CELF2: variants seen among roughly 807,000 people sequenced by gnomAD.
CELF2 encodes CUG triplet repeat RNA-binding protein 2.
In CELF2, 8 loss-of-function variants were observed where a neutral mutation model predicts 62.6. The ratio of observed to expected loss-of-function variants is 0.13; its 90% CI spans 0.07 to 0.23. The LOEUF (loss-of-function observed/expected upper bound fraction) is 0.23. CELF2 is among the 10% of genes least tolerant of loss of function. CELF2 has a pLI of 1.00. For synonymous variants in CELF2, 258 were observed against 250.0 expected, an observed-to-expected ratio of 1.03 and a Z score of -0.30; for missense variants, 333 against 671.0, an observed-to-expected ratio of 0.50 and a Z score of 5.56.
intron 1 of CELF2, among the ~76,000 whole-genome samples, chr10:10,863,556 C>A (rs1159619825): frequency 6.6e-6 from 1 of 152,074 alleles, no homozygotes; most frequent in Admixed American, 6.6e-5. Context: ...TAAAATAATT[C>A]ATGGAAACAC....
At chr10:10,605,916 G>A in the CELF2 span, among the ~76,000 whole-genome samples, 144 of 152,298 alleles carry the variant, frequency 9.5e-4, no homozygotes, top group Non-Finnish European at 1.5e-3. Flanking sequence ...GTAATCACGA[G>A]CCAAGAAGCA....
intron 1 of CELF2, among the ~76,000 whole-genome samples, chr10:11,085,607 A>C (rs1254490411): frequency 6.7e-6 from 1 of 149,326 alleles, no homozygotes; most frequent in Non-Finnish European, 1.5e-5. Context: ...TGGGCCGTTG[A>C]GGCACAGAGA....
chr10:11,314,341 C>T lies in CELF2; in HGVS notation c.1096+83C>T, dbSNP rs1190410909. ...ACAGAAAGTGGTCAGCCAGAAATGA[C>T]CCGAAAAAGGATATGCCACGGGGAG... On this transcript the variant is annotated intron_variant, in intron 10 of 12. Coordinates refer to ENST00000633077, the MANE Select transcript of CELF2 (RefSeq NM_001326342.2). The surrounding 1 kb of genome is among the most constrained non-coding windows in gnomAD (Gnocchi z 5.3). 2.5e-6 allele frequency: 4 copies of T among 1,587,606 alleles called. No individual in the cohort carries two copies. The East Asian group carries it at 6.7e-5, about 27-fold the overall frequency.
At chr10:10,708,657 C>A in the CELF2 span, among the ~76,000 whole-genome samples, 1 of 152,158 alleles carries the variant, frequency 6.6e-6, no homozygotes, top group Non-Finnish European at 1.5e-5. Context: ...TATTTCTCTT[C>A]TCTTCCTCTC....
chr10:10,834,789 A>G (rs1426003312), intron 1 of CELF2, among the ~76,000 whole-genome samples: 1 of 152,198 alleles, frequency 6.6e-6, no homozygotes, highest in South Asian at 2.1e-4. Flanking sequence ...AAAGTCATTA[A>G]CAGCACGAGA....
At chr10:10,926,684 G>C (rs916508580) in intron 2 of CELF2, among the ~76,000 whole-genome samples, 8 of 152,180 alleles carry the variant, frequency 5.3e-5, no homozygotes, top group African/African-American at 1.9e-4. Context: ...TTCCATGCCT[G>C]ATCCCTTAGG....
intron 1 of CELF2, among the ~76,000 whole-genome samples, chr10:10,830,961 T>A (rs2057801476): frequency 6.6e-6 from 1 of 152,222 alleles, no homozygotes; most frequent in African/African-American, 2.4e-5. Context: ...TAGTTTCTGA[T>A]TACTTCAGCC....
the CELF2 span, among the ~76,000 whole-genome samples, chr10:10,705,004 C>T: frequency 6.6e-6 from 1 of 151,538 alleles, no homozygotes; most frequent in Non-Finnish European, 1.5e-5. Context: ...GCCTGGGCAA[C>T]ATGGCGAGAC....
At chr10:11,327,199 G>A (rs76345405) in intron 12 of CELF2, among the ~76,000 whole-genome samples, 1 of 150,910 alleles carries the variant, frequency 6.6e-6, no homozygotes, top group Non-Finnish European at 1.5e-5. Flanking sequence ...ATTATGGGGG[G>A]CGGGGGGGTG....
chr10:11,165,345 A>C lies in CELF2; in HGVS notation c.75-141A>C, dbSNP rs1014280752. On this transcript the variant is annotated intron_variant, in intron 1 of 12. Transcript: ENST00000633077. The surrounding 1 kb of genome is among the most constrained non-coding windows in gnomAD (Gnocchi z 7.4). ...GCCTCCGCTTTGTTTTAGTTCATCAAATTTCTACGACTCATTAGGCACTTT... is the reference window on the plus strand; with the variant it reads ...GCCTCCGCTTTGTTTTAGTTCATCACATTTCTACGACTCATTAGGCACTTT... 1.4e-6 allele frequency: 2 copies of C among 1,464,016 alleles called. No individual in the cohort carries two copies. Among genetic ancestry groups the C allele is most frequent in the Non-Finnish European group, 1.8e-6 (2 of 1,112,754 alleles). 90.7% of individuals were successfully genotyped at this position (1,464,016 alleles called of 1,614,324 possible). A position where few individuals can be genotyped will look rare whatever the true frequency, so the allele number is the denominator to read the frequency against.
At chr10:10,477,677 T>C in the CELF2 span, among the ~76,000 whole-genome samples, 1 of 149,770 alleles carries the variant, frequency 6.7e-6, no homozygotes, top group Non-Finnish European at 1.5e-5. Flanking sequence ...ACCCTTGAGC[T>C]AAGAATGATT....
At chr10:11,307,969 G>A (rs566450004) in intron 9 of CELF2, among the ~76,000 whole-genome samples, 5 of 152,318 alleles carry the variant, frequency 3.3e-5, no homozygotes, top group African/African-American at 4.8e-5. Context: ...GTAAGATGAC[G>A]TTCTGCACAG....
At chr10:10,903,807 G>T (rs1052604268) in intron 1 of CELF2, among the ~76,000 whole-genome samples, 1 of 152,200 alleles carries the variant, frequency 6.6e-6, no homozygotes, top group African/African-American at 2.4e-5. Flanking sequence ...CTGCACAGGG[G>T]CCTTGGGCTC....
exon 1 of CELF2, chr10:10,798,662 G>A: frequency 2.5e-6 from 1 of 398,412 alleles, no homozygotes; most frequent in Non-Finnish European, 4.4e-6. Flanking sequence ...AGGGAGCCGC[G>A]GGGCGCCAGG....
At chr10:11,294,276 A>G (rs747107334) in intron 9 of CELF2, among the ~76,000 whole-genome samples, 3 of 152,198 alleles carry the variant, frequency 2.0e-5, no homozygotes, top group South Asian at 2.1e-4. Flanking sequence ...GAAAGTGCCC[A>G]TTAGCTCTGT....
At chr10:10,944,521 C>T (rs956624691) in intron 2 of CELF2, among the ~76,000 whole-genome samples, 2 of 152,070 alleles carry the variant, frequency 1.3e-5, no homozygotes, top group African/African-American at 4.8e-5. Flanking sequence ...TTAAGAAGCT[C>T]AACTTTAGAG....
intron 1 of CELF2, among the ~76,000 whole-genome samples, chr10:11,103,487 A>ATTTTTTTTTTTTTTTTTTTTTTTTTTTT (rs3054364): frequency 4.2e-5 from 5 of 119,748 alleles, no homozygotes; most frequent in African/African-American, 1.1e-4. Flanking sequence ...TTGTAGCCTG[A>ATTTTTTTTTTTTTTTTTTTTTTTTTTTT]TTTTTTTTTT....
intron 2 of CELF2, among the ~76,000 whole-genome samples, chr10:11,196,971 A>AAGAG (rs1565227747): frequency 1.2e-4 from 13 of 106,834 alleles, no homozygotes; most frequent in African/African-American, 4.7e-4. Flanking sequence ...AAGAAAAAGA[A>AAGAG]AGAAAGAGAG....
chr10:10,762,767 T>C, the CELF2 span, among the ~76,000 whole-genome samples: 2 of 152,094 alleles, frequency 1.3e-5, no homozygotes, highest in Non-Finnish European at 2.9e-5. Context: ...TGAGGTCAGC[T>C]GTGGTGGCTC....
Sources: gnomAD v4.1 joint callset for allele counts (sites outside exome capture counted in the v4.1 genomes callset) on GRCh38, gnomAD v4.1.1 for gene constraint, Gnocchi (gnomAD v3.1) non-coding constraint, MANE v1.5 for transcripts, NCBI Gene and HGNC (gene_info 2026-07-23, HGNC 2026-07-21) for gene names.